Variants in TENM4 observed in about 807,000 individuals in gnomAD.
TENM4 encodes teneurin-4.
TENM4 carries 82 observed loss-of-function variants against 243.3 expected under a neutral mutation model. The observed-to-expected ratio is 0.34, with a 90% CI of 0.28 to 0.40. The LOEUF is 0.40. Among genes scored for constraint, TENM4 ranks in the 10% least tolerant of loss-of-function variants. The pLI is 1.00. For missense variants in TENM4, 3,138 were observed against 3,673.3 expected, an observed-to-expected ratio of 0.85 and a Z score of 3.77; for synonymous variants, 1,412 against 1,456.3, an observed-to-expected ratio of 0.97 and a Z score of 0.69.
At chr11:79,066,624 A>T (rs745995456) in intron 5 of TENM4, among the ~76,000 whole-genome samples, 1 of 151,752 alleles carries the variant, frequency 6.6e-6, no homozygotes, top group Non-Finnish European at 1.5e-5. Flanking sequence ...ACACGTGCGC[A>T]CACACATGAA....
intron 6 of TENM4, among the ~76,000 whole-genome samples, chr11:79,049,952 T>C (rs1859755297): frequency 6.6e-6 from 1 of 152,242 alleles, no homozygotes; most frequent in Non-Finnish European, 1.5e-5. Context: ...ATTTGCTTTT[T>C]TTTCCCTTTT....
intron 2 of TENM4, among the ~76,000 whole-genome samples, chr11:79,274,257 G>A (rs1804359351): frequency 6.6e-6 from 1 of 152,234 alleles, no homozygotes; most frequent in African/African-American, 2.4e-5. Flanking sequence ...ACATATTGGC[G>A]ACCAAATTTG....
intron 1 of TENM4, among the ~76,000 whole-genome samples, chr11:79,374,111 G>A (rs577749290): frequency 6.2e-4 from 95 of 152,246 alleles, no homozygotes; most frequent in Admixed American, 1.0e-3. Flanking sequence ...AAGCCAGCAC[G>A]AAGGGTCATC....
intron 28 of TENM4, among the ~76,000 whole-genome samples, chr11:78,698,080 T>A (rs1484696012): frequency 6.6e-6 from 1 of 152,192 alleles, no homozygotes; most frequent in Non-Finnish European, 1.5e-5. Flanking sequence ...CTATTTAATC[T>A]TTTAAGAGAA....
intron 16 of TENM4, among the ~76,000 whole-genome samples, chr11:78,779,371 A>G (rs1856799225): frequency 1.3e-5 from 2 of 152,200 alleles, no homozygotes; most frequent in South Asian, 4.1e-4. Flanking sequence ...CCACTTCTCA[A>G]TGCTTATTAA....
chr11:79,350,101 G>A (rs573937428), intron 1 of TENM4, among the ~76,000 whole-genome samples: 2 of 152,304 alleles, frequency 1.3e-5, no homozygotes, highest in East Asian at 1.9e-4. Context: ...ACTTCCAGAC[G>A]AGTGAGGAAT....
At chr11:78,959,520 T>C (rs1857273695) in intron 6 of TENM4, among the ~76,000 whole-genome samples, 1 of 152,130 alleles carries the variant, frequency 6.6e-6, no homozygotes, top group African/African-American at 2.4e-5. Flanking sequence ...AGGAAGGCAG[T>C]AGGCAGGGTC....
chr11:78,818,204 G>GTATA (rs1857650383), intron 12 of TENM4, among the ~76,000 whole-genome samples: 1 of 152,110 alleles, frequency 6.6e-6, no homozygotes, highest in Non-Finnish European at 1.5e-5. Context: ...ATGGTATAAA[G>GTATA]TATAGCTCCT....
chr11:79,049,803 C>A (rs957219470), intron 6 of TENM4, among the ~76,000 whole-genome samples: 1 of 152,218 alleles, frequency 6.6e-6, no homozygotes, highest in Non-Finnish European at 1.5e-5. Flanking sequence ...CCATGGTAAA[C>A]AGCACTTTGT....
At chr11:78,780,494 T>A (rs951892041) in intron 16 of TENM4, among the ~76,000 whole-genome samples, 33 of 152,112 alleles carry the variant, frequency 2.2e-4, no homozygotes, top group Middle Eastern at 3.4e-3. Flanking sequence ...GAGCCTAGAT[T>A]TTTTTTTCCC....
At chr11:79,042,655 T>C (rs1452529781) in intron 6 of TENM4, among the ~76,000 whole-genome samples, 2 of 152,212 alleles carry the variant, frequency 1.3e-5, no homozygotes, top group African/African-American at 2.4e-5. Context: ...TATTTTGTTA[T>C]AGCAGCCTGA....
At chr11:78,720,440 C>CA (rs1565348083) in intron 24 of TENM4, 50 bp from the exon 25 acceptor site, 1 of 1,606,870 alleles carries the variant, frequency 6.2e-7, no homozygotes, top group Admixed American at 1.7e-5. Context: ...GAGGTGTTAG[C>CA]AGCAGGGTTA....
chr11:79,366,357 C>T (rs1387144241), intron 1 of TENM4, among the ~76,000 whole-genome samples: 4 of 152,332 alleles, frequency 2.6e-5, no homozygotes, highest in Non-Finnish European at 4.4e-5. Context: ...ATGGCATTTG[C>T]CAAGCTGCAA....
intron 12 of TENM4, among the ~76,000 whole-genome samples, chr11:78,837,009 T>G (rs916311787): frequency 5.3e-5 from 8 of 152,188 alleles, no homozygotes; most frequent in African/African-American, 1.9e-4. Flanking sequence ...ATTTGTTCAT[T>G]TTATCACTTG....
At chr11:79,270,558 A>T (rs1178467742) in intron 2 of TENM4, among the ~76,000 whole-genome samples, 1 of 151,962 alleles carries the variant, frequency 6.6e-6, no homozygotes, top group African/African-American at 2.4e-5. Context: ...TCTCCCATGT[A>T]TCTCCTCTCA....
At chr11:79,279,434 G>C (rs1264423479) in intron 2 of TENM4, among the ~76,000 whole-genome samples, 1 of 152,174 alleles carries the variant, frequency 6.6e-6, no homozygotes, top group African/African-American at 2.4e-5. Context: ...TGGATATCCA[G>C]AGCCCAGCAA....
At chr11:78,702,869 TCTGGAGG>T (rs1303676892) in intron 27 of TENM4, among the ~76,000 whole-genome samples, 3 of 151,924 alleles carry the variant, frequency 2.0e-5, no homozygotes, top group Admixed American at 2.0e-4. Flanking sequence ...GCAGATGGAG[TCTGGAGG>T]CTGAAGTAGG....
intron 3 of TENM4, among the ~76,000 whole-genome samples, chr11:79,151,264 C>G (rs1336075961): frequency 6.6e-6 from 1 of 152,212 alleles, no homozygotes; most frequent in African/African-American, 2.4e-5. Flanking sequence ...ACCAGTTTCA[C>G]TGCTTCCATC....
intron 6 of TENM4, among the ~76,000 whole-genome samples, chr11:78,975,210 T>C (rs1310837253): frequency 1.3e-5 from 2 of 151,874 alleles, no homozygotes; most frequent in Admixed American, 1.3e-4. Context: ...ACTGGAAGAC[T>C]CACTGAGCTC....
Sources: allele counts gnomAD v4.1 joint callset (sites outside exome capture counted in the v4.1 genomes callset), GRCh38; gene constraint gnomAD v4.1.1; transcripts MANE v1.5; gene names NCBI Gene and HGNC (gene_info 2026-07-23, HGNC 2026-07-21).